The following DCAF6 variants were observed in gnomAD, a reference collection of about 807,000 sequenced individuals.
The protein encoded by DCAF6 is DDB1- and CUL4-associated factor 6.
DCAF6 carries 54 observed loss-of-function variants against 125.1 expected under a neutral mutation model. The observed-to-expected ratio is 0.43, with a 90% CI of 0.35 to 0.54. The LOEUF is 0.54. DCAF6 is among the 20% of genes least tolerant of loss of function. The pLI, the probability that DCAF6 is intolerant of heterozygous loss-of-function variation, is 0.01. For missense variants in DCAF6, 934 were observed against 1,161.7 expected, an observed-to-expected ratio of 0.80 and a Z score of 2.85; for synonymous variants, 371 against 390.4, an observed-to-expected ratio of 0.95 and a Z score of 0.58.
rs748640034 is a variant in DCAF6 at position 167,993,428 on chromosome 1, G to A, written c.891G>A (p.Glu297=). 4 of 1,613,614 alleles carry A rather than the reference G, an allele frequency of 2.5e-6. No homozygotes were observed. The African/African-American group carries it at 5.3e-5, about 22-fold the overall frequency. The change falls in exon 7 of 22, where the codon GAG becomes GAA. Residue 297 remains glutamate, a synonymous_variant. Coordinates refer to ENST00000367840, the MANE Select transcript of DCAF6 (RefSeq NM_001198956.2). ...AACTTAAAACTCCTTCTGCGGAAGA[G>A]AGAAGAGAAGAGGTAGGTTTACTCA... ...ARELKTPSAE[E]RREELRQPPV...
At chr1:167,901,842 C>G in the DCAF6 span, 1 of 1,614,060 alleles carries the variant, frequency 6.2e-7, no homozygotes, top group South Asian at 1.1e-5. Context: ...TTTGACCTGC[C>G]CTGGGGATCA....
rs769016719 is a variant in DCAF6 at position 168,023,052 on chromosome 1, G to A, written c.1609+5G>A. On this transcript the variant is annotated splice_donor_5th_base_variant and intron_variant, in intron 12 of 21. Transcript: ENST00000367840. ...TGTCACTTGACGAGCAACAGGGTGC[G>A]TGCAACAGGAGATGCGCTATGCCCA... 6 of 1,614,030 alleles carry A rather than the reference G, an allele frequency of 3.7e-6. No homozygotes were observed. The highest frequency in any genetic ancestry group is 2.2e-5 in the East Asian group (1 of 44,878).
At chr1:167,885,930 C>T in the DCAF6 span, among the ~76,000 whole-genome samples, 1 of 151,890 alleles carries the variant, frequency 6.6e-6, no homozygotes, top group Non-Finnish European at 1.5e-5. Context: ...AGACCTTTTA[C>T]CCATTTTTTA....
At chr1:167,961,515 A>G (rs1317972522) in intron 2 of DCAF6, among the ~76,000 whole-genome samples, 5 of 152,110 alleles carry the variant, frequency 3.3e-5, no homozygotes, top group African/African-American at 4.8e-5. Context: ...TGCTGGGATT[A>G]CAGGCGTGAG....
the DCAF6 span, among the ~76,000 whole-genome samples, chr1:167,886,020 A>G: frequency 6.6e-6 from 1 of 152,166 alleles, no homozygotes; most frequent in Non-Finnish European, 1.5e-5. Flanking sequence ...AAGGAGAACT[A>G]CAAACCACTG....
intron 4 of DCAF6, among the ~76,000 whole-genome samples, chr1:167,977,259 G>A (rs992152007): frequency 6.8e-6 from 1 of 146,228 alleles, no homozygotes; most frequent in African/African-American, 2.5e-5. Context: ...AACAATTTCA[G>A]TTTCCTTTTC....
intron 4 of DCAF6, among the ~76,000 whole-genome samples, chr1:167,982,645 G>A (rs1178049736): frequency 6.6e-6 from 1 of 152,124 alleles, no homozygotes; most frequent in South Asian, 2.1e-4. Context: ...CTTTTGCTGT[G>A]CAGAGCTTTT....
the DCAF6 span, among the ~76,000 whole-genome samples, chr1:167,868,677 C>A: frequency 1.3e-5 from 2 of 152,182 alleles, no homozygotes; most frequent in Non-Finnish European, 2.9e-5. Context: ...TTCCTACTGC[C>A]CATACAAATA....
chr1:167,915,467 A>G, the DCAF6 span, among the ~76,000 whole-genome samples: 1 of 152,000 alleles, frequency 6.6e-6, no homozygotes, highest in Non-Finnish European at 1.5e-5. Context: ...TAAGATTACC[A>G]TTTTCTGAAC....
rs537822717 is a variant in DCAF6, at chr1:167,941,754, C to T, written c.97+4746C>T. Among the ~76,000 whole-genome samples, 18 of 152,284 alleles carry T rather than the reference C, an allele frequency of 1.2e-4. No individual in the cohort carries two copies. In the South Asian group the frequency reaches 2.9e-3, roughly 25 times the overall value. On this transcript the variant is annotated intron_variant, in intron 1 of 21. Coordinates refer to ENST00000367840, the MANE Select transcript of DCAF6 (RefSeq NM_001198956.2). Reference sequence around the variant, plus strand: ...GAGATTAAAAAAATTTTTTTTTAAACACTGCTGATGGCTCCACAGGGAAAA... The same window carrying T: ...GAGATTAAAAAAATTTTTTTTTAAATACTGCTGATGGCTCCACAGGGAAAA...
chr1:168,051,041 C>G, intron 17 of DCAF6, 108 bp downstream of exon 17: 2 of 500,020 alleles, frequency 4.0e-6, no homozygotes, highest in Non-Finnish European at 6.7e-6. Context: ...TCCCTTTGGA[C>G]TTACTGAATT....
chr1:167,961,601 G>A (rs555970084), intron 2 of DCAF6, among the ~76,000 whole-genome samples: 3 of 152,202 alleles, frequency 2.0e-5, no homozygotes, highest in East Asian at 3.9e-4. Flanking sequence ...TACAAAGACC[G>A]TTTTATTTCT....
chr1:168,054,625 C>T (rs1026824127), intron 17 of DCAF6, among the ~76,000 whole-genome samples: 4 of 148,874 alleles, frequency 2.7e-5, no homozygotes, highest in Admixed American at 6.7e-5. Context: ...TAGACTCTTA[C>T]TTATAGGATT....
chr1:168,074,487 G>T (rs1208284146), intron 21 of DCAF6, among the ~76,000 whole-genome samples: 1 of 151,974 alleles, frequency 6.6e-6, no homozygotes, highest in Non-Finnish European at 1.5e-5. Context: ...CATTTATTCA[G>T]TAAACCTTCA....
the DCAF6 span, among the ~76,000 whole-genome samples, chr1:167,863,764 C>A: frequency 6.6e-6 from 1 of 152,338 alleles, no homozygotes; most frequent in South Asian, 2.1e-4. Flanking sequence ...GTGTGGCAGG[C>A]CCCCGTGGAG....
At chr1:167,920,211 T>C in the DCAF6 span, 8 of 647,818 alleles carry the variant, frequency 1.2e-5, no homozygotes, top group Non-Finnish European at 2.1e-5. Context: ...AGAAATGCTA[T>C]ACTCTGAATT....
intron 7 of DCAF6, among the ~76,000 whole-genome samples, chr1:167,995,917 T>G (rs1681609475): frequency 6.6e-6 from 1 of 152,164 alleles, no homozygotes; most frequent in African/African-American, 2.4e-5. Flanking sequence ...CATGATCTCT[T>G]ACTTAAGGAA....
chr1:167,866,624 C>T, the DCAF6 span, among the ~76,000 whole-genome samples: 1 of 151,194 alleles, frequency 6.6e-6, no homozygotes, highest in Non-Finnish European at 1.5e-5. Flanking sequence ...TAATTGAAAT[C>T]CCAAACTTAC....
At chr1:167,925,298 T>C in the DCAF6 span, among the ~76,000 whole-genome samples, 1 of 151,708 alleles carries the variant, frequency 6.6e-6, no homozygotes, top group Non-Finnish European at 1.5e-5. Context: ...ATACTATTCA[T>C]ACTTGTACCC....
Sources: gnomAD v4.1 joint callset for allele counts (sites outside exome capture counted in the v4.1 genomes callset) on GRCh38, gnomAD v4.1.1 for gene constraint, MANE v1.5 for transcripts, NCBI Gene and HGNC (gene_info 2026-07-23, HGNC 2026-07-21) for gene names.